CFAP52: variants seen among roughly 807,000 people sequenced by gnomAD.
CFAP52 encodes the protein cilia- and flagella-associated protein 52.
Under a neutral mutation model 70.5 loss-of-function variants are expected in CFAP52, and 57 were observed. The observed-to-expected ratio is 0.81, with a 90% CI of 0.65 to 1.01. The LOEUF is 1.01. Ranked by LOEUF, CFAP52 falls within the 50% of genes least tolerant of loss-of-function variation. The pLI is 0.00. For missense variants in CFAP52, 785 were observed against 788.5 expected (o/e 1.00, Z 0.05); for synonymous variants, 267 against 292.5 (o/e 0.91, Z 0.89).
chr17:9,594,058 G>C, intron 3 of CFAP52, 135 bp from the exon 4 acceptor site: 1 of 1,263,028 alleles, frequency 7.9e-7, no homozygotes, highest in Non-Finnish European at 1.1e-6. Flanking sequence ...TGTCAGGGGT[G>C]GGGTAATTTT....
intron 2 of CFAP52, 49 bp from the exon 3 acceptor site, chr17:9,586,649 G>T: frequency 6.5e-7 from 1 of 1,542,594 alleles, no homozygotes; most frequent in Non-Finnish European, 8.7e-7. Context: ...TATCTCCTCA[G>T]ATGCTTTTAA....
chr17:9,639,708 C>T (rs185494424), intron 12 of CFAP52, among the ~76,000 whole-genome samples: 15 of 152,006 alleles, frequency 9.9e-5, no homozygotes, highest in East Asian at 7.7e-4. Flanking sequence ...ATGATACTGG[C>T]GGGCGGGGGA....
At chr17:9,610,802 G>C (rs546861310) in intron 7 of CFAP52, among the ~76,000 whole-genome samples, 1 of 152,118 alleles carries the variant, frequency 6.6e-6, no homozygotes, top group Non-Finnish European at 1.5e-5. Flanking sequence ...GCCTCCCAAA[G>C]TGCTAGGATT....
chr17:9,581,415 A>G (rs1908221244), intron 1 of CFAP52, among the ~76,000 whole-genome samples: 1 of 152,202 alleles, frequency 6.6e-6, no homozygotes, highest in Non-Finnish European at 1.5e-5. Flanking sequence ...ATGTATATAA[A>G]CTAATGAGGA....
chr17:9,590,983 A>G (rs1908723073), intron 3 of CFAP52, among the ~76,000 whole-genome samples: 2 of 151,898 alleles, frequency 1.3e-5, no homozygotes, highest in South Asian at 2.1e-4. Context: ...AAAAGAAACA[A>G]AAGGGAAGCT....
chr17:9,581,234 G>T (rs148508276), intron 1 of CFAP52, among the ~76,000 whole-genome samples: 1 of 152,154 alleles, frequency 6.6e-6, no homozygotes, highest in Admixed American at 6.5e-5. Flanking sequence ...GGAGAATGGC[G>T]TGAACCCGGA....
chr17:9,644,938 T>C (rs761933515), downstream of CFAP52: 30 of 152,214 alleles, frequency 2.0e-4, no homozygotes, highest in Non-Finnish European at 4.0e-4. Flanking sequence ...ATCTGTGGTG[T>C]AAAAAAGCAA....
chr17:9,580,479 G>A (rs1028464066), intron 1 of CFAP52, among the ~76,000 whole-genome samples: 1 of 152,136 alleles, frequency 6.6e-6, no homozygotes, highest in African/African-American at 2.4e-5. Context: ...CTTGAGGCCA[G>A]GAGTTTGAGA....
chr17:9,604,597 G>A (rs368769737), intron 6 of CFAP52, among the ~76,000 whole-genome samples: 27 of 151,702 alleles, frequency 1.8e-4, no homozygotes, highest in African/African-American at 6.0e-4. Context: ...GTGAAACCCC[G>A]TCTCTACTAA....
intron 13 of CFAP52, among the ~76,000 whole-genome samples, chr17:9,642,468 A>C (rs1465566701): frequency 6.6e-6 from 1 of 152,114 alleles, no homozygotes; most frequent in East Asian, 1.9e-4. Flanking sequence ...TACTAAAAAC[A>C]CAAAAATTAG....
At chr17:9,582,865 A>G (rs1387305852) in intron 1 of CFAP52, among the ~76,000 whole-genome samples, 1 of 152,188 alleles carries the variant, frequency 6.6e-6, no homozygotes, top group African/African-American at 2.4e-5. Flanking sequence ...TCAAACTCCC[A>G]GCCTCGAGTG....
intron 5 of CFAP52, among the ~76,000 whole-genome samples, chr17:9,599,540 G>A (rs1252401015): frequency 6.6e-6 from 1 of 152,164 alleles, no homozygotes; most frequent in Non-Finnish European, 1.5e-5. Context: ...GCTAATTGGG[G>A]TCGAATATTT....
chr17:9,641,368 A>G (rs1190267715), intron 12 of CFAP52, among the ~76,000 whole-genome samples: 1 of 152,046 alleles, frequency 6.6e-6, no homozygotes, highest in Non-Finnish European at 1.5e-5. Flanking sequence ...GAAGGAAGAA[A>G]ATGCTTTTCC....
chr17:9,601,885 G>C (rs139671645), intron 6 of CFAP52, among the ~76,000 whole-genome samples: 38 of 152,290 alleles, frequency 2.5e-4, no homozygotes, highest in African/African-American at 8.7e-4. Context: ...TTCTAACTAA[G>C]CTTAGATACT....
intron 8 of CFAP52, among the ~76,000 whole-genome samples, chr17:9,616,657 C>T (rs1034938188): frequency 4.5e-4 from 67 of 149,998 alleles, no homozygotes; most frequent in Non-Finnish European, 8.8e-4. Context: ...GATCTGAGAA[C>T]GGGCAGACTG....
chr17:9,642,480 C>T (rs749564994), intron 13 of CFAP52, among the ~76,000 whole-genome samples: 20 of 152,208 alleles, frequency 1.3e-4, no homozygotes, highest in Admixed American at 5.2e-4. Flanking sequence ...AAAAATTAGC[C>T]GGGCGTGGTG....
At position 9,590,683 on chromosome 17, in the gene CFAP52, T is replaced by C. The variant is rs1004400350; in HGVS notation, c.408-3510T>C. Among the ~76,000 whole-genome samples, 3 of 152,336 alleles carry C rather than the reference T, an allele frequency of 2.0e-5. No homozygotes were observed. The East Asian group carries it at 5.8e-4, about 29-fold the overall frequency. ...ACCCCCTGTCAAAGAGACTAGGTCT[T>C]GCGGGGAAAATGGCCCCTTAACCAA... On this transcript the variant is annotated intron_variant, in intron 3 of 13. Transcript: ENST00000352665.
intron 8 of CFAP52, among the ~76,000 whole-genome samples, chr17:9,627,870 A>AT (rs1367906466): frequency 1.3e-5 from 2 of 152,108 alleles, no homozygotes; most frequent in East Asian, 1.9e-4. Context: ...ACAGGCATGC[A>AT]TCACTACACC....
chr17:9,622,068 A>G (rs1031714308), intron 8 of CFAP52, among the ~76,000 whole-genome samples: 1 of 150,482 alleles, frequency 6.6e-6, no homozygotes, highest in Admixed American at 6.7e-5. Flanking sequence ...GTTTGTATCT[A>G]ATCTGCCAAA....
Sources: gnomAD v4.1 joint callset for allele counts (sites outside exome capture counted in the v4.1 genomes callset) on GRCh38, gnomAD v4.1.1 for gene constraint, MANE v1.5 for transcripts, NCBI Gene and HGNC (gene_info 2026-07-23, HGNC 2026-07-21) for gene names.